Variants in GLIS1 observed in about 807,000 individuals in gnomAD.
GLIS1 encodes GLIS family zinc finger 1, also known as zinc finger protein GLIS1.
Under a neutral mutation model 63.8 loss-of-function variants are expected in GLIS1, and 24 were observed. The observed-to-expected ratio is 0.38, with a 90% confidence interval of 0.27 to 0.53. The LOEUF (loss-of-function observed/expected upper bound fraction) is 0.53. Among genes scored for constraint, GLIS1 ranks in the 20% least tolerant of loss-of-function variants. GLIS1 has a pLI of 0.85. For synonymous variants in GLIS1, 450 were observed against 482.5 expected (o/e 0.93, Z 0.88); for missense variants, 1,036 against 1,074.1 (o/e 0.96, Z 0.50).
At chr1:53,544,030 G>A (rs892611280) in intron 4 of GLIS1, among the ~76,000 whole-genome samples, 1 of 152,174 alleles carries the variant, frequency 6.6e-6, no homozygotes, top group Non-Finnish European at 1.5e-5. Flanking sequence ...TCTGGGGCGC[G>A]CAGCCCAGCC....
At chr1:53,649,058 G>T (rs1645878009) in intron 2 of GLIS1, among the ~76,000 whole-genome samples, 1 of 151,848 alleles carries the variant, frequency 6.6e-6, no homozygotes, top group Non-Finnish European at 1.5e-5. Context: ...GAAATTTTTG[G>T]AGATTTGCAA....
intron 2 of GLIS1, among the ~76,000 whole-genome samples, chr1:53,710,284 T>A (rs1646632908): frequency 6.6e-6 from 1 of 152,262 alleles, no homozygotes; most frequent in Non-Finnish European, 1.5e-5. Flanking sequence ...CTTTCACATT[T>A]CACACCTAAG....
rs182087688 is a variant in GLIS1 at position 53,569,387 on chromosome 1, G to A, written c.1320+24721C>T. 1.1e-4 allele frequency among the ~76,000 whole-genome samples: 17 copies of A among 152,250 alleles called. No individual in the cohort carries two copies. In the East Asian group the frequency reaches 1.5e-3, roughly 14 times the overall value. On this transcript the variant is annotated intron_variant, in intron 4 of 10. Transcript: ENST00000628545. Reference sequence around the variant, plus strand: ...AGATGTTGATAGCAGGGGAGGCTGCGTGTGTGAGGGCAGGGGTATAGGGTA... The same window carrying A: ...AGATGTTGATAGCAGGGGAGGCTGCATGTGTGAGGGCAGGGGTATAGGGTA...
chr1:53,528,932 C>T (rs1644499350), intron 5 of GLIS1, among the ~76,000 whole-genome samples: 1 of 152,162 alleles, frequency 6.6e-6, no homozygotes, highest in Non-Finnish European at 1.5e-5. Context: ...CCTCCTCAGG[C>T]ACGTGCCCCT....
intron 4 of GLIS1, 152 bp downstream of exon 4, chr1:53,593,956 C>T (rs987955736): frequency 3.2e-6 from 3 of 941,836 alleles, no homozygotes; most frequent in African/African-American, 1.7e-5. Flanking sequence ...GACCAGGGGC[C>T]ACATCCACAG....
Position 53,514,725 on chromosome 1 carries a change from G to A in GLIS1, c.1783C>T (p.Pro595Ser). The part of the protein sequence containing the change: ...HNGLASGLLP[P>S]AHDVPSRHHP... ...TGCCTGGAAGGTACGTCGTGCGCTG[G>A]GGGCAGGAGGCCCGATGCAAGTCCG... The change falls in exon 8 of 11, where the codon CCA becomes TCA. Residue 595 changes from proline to serine, a missense_variant. By Grantham distance (74) the Pro-to-Ser change is moderately conservative (BLOSUM62 -1). Around this residue, in one of 3 missense-constraint regions of GLIS1, gnomAD observed 400 missense variants for 400.9 expected, o/e 1.00. Transcript: ENST00000628545. The A allele has an allele frequency of 7.4e-6, 12 of 1,612,638 alleles. No homozygotes were observed. The highest frequency in any genetic ancestry group is 1.0e-5 in the Non-Finnish European group (12 of 1,179,384).
intron 2 of GLIS1, among the ~76,000 whole-genome samples, chr1:53,656,192 A>G (rs982119910): frequency 6.6e-6 from 1 of 152,196 alleles, no homozygotes; most frequent in African/African-American, 2.4e-5. Flanking sequence ...CACCTAGGGA[A>G]GCAGAGCCCC....
intron 2 of GLIS1, among the ~76,000 whole-genome samples, chr1:53,611,425 C>G (rs933761381): frequency 6.6e-6 from 1 of 152,190 alleles, no homozygotes; most frequent in Non-Finnish European, 1.5e-5. Context: ...TCTGATAACA[C>G]CAACATCTGG....
rs912653114 is a variant in GLIS1, at chr1:53,554,095, G to A, written c.1321-24143C>T. ...AGGGCCACCTCTCAGTGCAGAGAAT[G>A]CCATCCTGCAGCCATGAGGCCACAA... is the stretch of plus-strand genomic sequence containing the variant. On this transcript the variant is annotated intron_variant, in intron 4 of 10. Transcript: ENST00000628545. Among the ~76,000 whole-genome samples the A allele has an allele frequency of 2.0e-5, 3 of 152,206 alleles. No individual in the cohort carries two copies. The East Asian group carries it at 5.8e-4, about 29-fold the overall frequency.
chr1:53,529,826 C>T lies in GLIS1; in HGVS notation c.1447G>A (p.Asp483Asn), dbSNP rs1047712658. The T allele has an allele frequency of 3.1e-6, 5 of 1,613,338 alleles. No homozygotes were observed. The highest frequency in any genetic ancestry group is 4.2e-6 in the Non-Finnish European group (5 of 1,179,992). Residue 483 changes from aspartate (D) to asparagine (N), a missense_variant, in exon 5 of 11, where the codon GAC becomes AAC. By Grantham distance (23) the Asp-to-Asn change is conservative. Around this residue, in one of 3 missense-constraint regions of GLIS1, gnomAD observed 44 missense variants for 79.3 expected, o/e 0.55. Coordinates refer to ENST00000628545, the MANE Select transcript of GLIS1 (RefSeq NM_001367484.1). ...TGGGTGCGCTGGTGCTTGGCGCGGT[C>T]GCTGGAGTTGCTGAAGGCCTTCTGG... The part of the protein sequence containing the change: ...GCQKAFSNSS[D>N]RAKHQRTHLD...
rs183503689 is a variant in GLIS1, at chr1:53,555,485, G to A, written c.1321-25533C>T. 4.2e-3 allele frequency among the ~76,000 whole-genome samples: 634 copies of A among 152,192 alleles called. 6 individuals carry two copies. The highest frequency in any genetic ancestry group is 0.014 in the African/African-American group (593 of 41,500). On this transcript the variant is annotated intron_variant, in intron 4 of 10. Coordinates refer to ENST00000628545, the MANE Select transcript of GLIS1 (RefSeq NM_001367484.1). ...GCAGAGGTTACGGTGAGCCAAGATC[G>A]CGCCACTACACTCCAGCCTGGGAGA...
At chr1:53,647,625 C>T (rs979489626) in intron 2 of GLIS1, among the ~76,000 whole-genome samples, 5 of 150,332 alleles carry the variant, frequency 3.3e-5, no homozygotes, top group Admixed American at 2.0e-4. Flanking sequence ...CAAAAATAAG[C>T]TTGTAAAAGA....
chr1:53,669,488 G>A (rs1646129092), intron 2 of GLIS1, among the ~76,000 whole-genome samples: 1 of 152,202 alleles, frequency 6.6e-6, no homozygotes, highest in South Asian at 2.1e-4. Flanking sequence ...AACCAGGTAA[G>A]GCTAGTGAAG....
intron 2 of GLIS1, among the ~76,000 whole-genome samples, chr1:53,654,328 CA>C (rs2100338346): frequency 6.6e-6 from 1 of 152,278 alleles, no homozygotes; most frequent in East Asian, 1.9e-4. Flanking sequence ...GAAGTCAGAA[CA>C]CAGAGGCCAG....
At chr1:53,538,227 G>A (rs1644602031) in intron 4 of GLIS1, among the ~76,000 whole-genome samples, 1 of 152,208 alleles carries the variant, frequency 6.6e-6, no homozygotes, top group African/African-American at 2.4e-5. Flanking sequence ...AGGCTGGAGG[G>A]CACTGACCCG....
At chr1:53,716,605 G>A (rs1267404318) in intron 2 of GLIS1, among the ~76,000 whole-genome samples, 1 of 152,024 alleles carries the variant, frequency 6.6e-6, no homozygotes, top group East Asian at 1.9e-4. Flanking sequence ...ATCCATAAAT[G>A]GAGGCACAAT....
At chr1:53,557,948 C>T (rs188241012) in intron 4 of GLIS1, among the ~76,000 whole-genome samples, 1 of 152,342 alleles carries the variant, frequency 6.6e-6, no homozygotes, top group East Asian at 1.9e-4. Context: ...TTAGGATTGA[C>T]TCCAGTTGCT....
chr1:53,700,878 G>A (rs770871136), intron 2 of GLIS1, among the ~76,000 whole-genome samples: 3 of 152,184 alleles, frequency 2.0e-5, no homozygotes, highest in Non-Finnish European at 2.9e-5. Context: ...CATAACATAC[G>A]ACCTTTGTGT....
intron 2 of GLIS1, among the ~76,000 whole-genome samples, chr1:53,603,216 C>T (rs1406441827): frequency 2.6e-5 from 4 of 152,186 alleles, no homozygotes; most frequent in South Asian, 4.1e-4. Context: ...TATGGTGCCA[C>T]TTAGTGCTCT....
Sources: allele counts gnomAD v4.1 joint callset (sites outside exome capture counted in the v4.1 genomes callset), GRCh38; gene constraint gnomAD v4.1.1; regional missense constraint gnomAD v4.1.1; transcripts MANE v1.5; gene names NCBI Gene and HGNC (gene_info 2026-07-23, HGNC 2026-07-21).